CACNA1I: variants seen among roughly 807,000 people sequenced by gnomAD.
CACNA1I encodes the protein voltage-dependent T-type calcium channel subunit alpha-1I.
In CACNA1I, 74 loss-of-function variants were observed where a neutral mutation model predicts 201.6. The observed-to-expected ratio is 0.37, with a 90% CI of 0.30 to 0.45. CACNA1I has a LOEUF of 0.45. Ranked by LOEUF, CACNA1I falls within the 20% of genes least tolerant of loss-of-function variation. The pLI is 1.00. For synonymous variants in CACNA1I, 1,431 were observed against 1,345.2 expected, an observed-to-expected ratio of 1.06 and a Z score of -1.40; for missense variants, 2,346 against 3,138.1, an observed-to-expected ratio of 0.75 and a Z score of 6.03.
At chr22:39,663,008 G>T in intron 18 of CACNA1I, 132 bp downstream of exon 18, 1 of 648,434 alleles carries the variant, frequency 1.5e-6, no homozygotes. Flanking sequence ...CCAGAGGTGG[G>T]GGTCTCCAGG....
At chr22:39,612,947 A>G (rs1461351743) in intron 3 of CACNA1I, among the ~76,000 whole-genome samples, 2 of 152,212 alleles carry the variant, frequency 1.3e-5, no homozygotes, top group Non-Finnish European at 2.9e-5. Context: ...AGCCTGAGTC[A>G]TCACAGAGCT....
chr22:39,600,701 C>T (rs767684249), intron 3 of CACNA1I, 48 bp downstream of exon 3: 3 of 1,529,702 alleles, frequency 2.0e-6, no homozygotes, highest in Non-Finnish European at 2.6e-6. Context: ...GCACACCAGG[C>T]ATAATTGAGA....
At chr22:39,627,396 C>T (rs1442368192) in intron 4 of CACNA1I, among the ~76,000 whole-genome samples, 4 of 152,204 alleles carry the variant, frequency 2.6e-5, no homozygotes, top group Non-Finnish European at 4.4e-5. Flanking sequence ...TCTGCAGGAT[C>T]CTGTGCAGAC....
intron 3 of CACNA1I, among the ~76,000 whole-genome samples, chr22:39,614,195 G>A (rs1411307500): frequency 1.3e-5 from 2 of 152,142 alleles, no homozygotes; most frequent in Non-Finnish European, 2.9e-5. Flanking sequence ...AGTGGGTGCT[G>A]TAATCCAGCT....
At chr22:39,590,263 G>C (rs1299680010) in intron 1 of CACNA1I, among the ~76,000 whole-genome samples, 3 of 152,228 alleles carry the variant, frequency 2.0e-5, no homozygotes, top group African/African-American at 7.2e-5. Context: ...GTGTGGTGTG[G>C]TTATGATCTG....
At chr22:39,661,937 C>G in intron 16 of CACNA1I, 28 bp from the exon 17 acceptor site, 1 of 1,430,186 alleles carries the variant, frequency 7.0e-7, no homozygotes, top group Non-Finnish European at 9.3e-7. Flanking sequence ...GCCTGTGGGG[C>G]GCTGACCCGA....
At chr22:39,651,764 GAA>G (rs1934655574) in intron 10 of CACNA1I, among the ~76,000 whole-genome samples, 1 of 152,236 alleles carries the variant, frequency 6.6e-6, no homozygotes, top group African/African-American at 2.4e-5. Context: ...AGCCAGTGAT[GAA>G]AGAGTTGGGA....
At chr22:39,578,299 G>C (rs541020697) in intron 1 of CACNA1I, among the ~76,000 whole-genome samples, 1 of 152,216 alleles carries the variant, frequency 6.6e-6, no homozygotes. Context: ...AGGGCCTCAG[G>C]CCTCTGGATA....
chr22:39,617,534 C>T (rs994879377), intron 3 of CACNA1I, among the ~76,000 whole-genome samples: 1 of 152,134 alleles, frequency 6.6e-6, no homozygotes, highest in African/African-American at 2.4e-5. Flanking sequence ...CGATGGGACT[C>T]GGCAGTCCTG....
chr22:39,659,334 C>T lies in CACNA1I; in HGVS notation c.2331-99C>T, dbSNP rs780469321. ...ATGGGACCAACGCTGCCCCGCCTCCCCCTGCCCTGCATTTTACTGAGTTGA... is the reference window on the plus strand; with the variant it reads ...ATGGGACCAACGCTGCCCCGCCTCCTCCTGCCCTGCATTTTACTGAGTTGA... On this transcript the variant is annotated intron_variant, in intron 12 of 36. Coordinates refer to ENST00000402142, the MANE Select transcript of CACNA1I (RefSeq NM_021096.4). The surrounding 1 kb of genome is among the most constrained non-coding windows in gnomAD (Gnocchi z 4.3). The T allele has an allele frequency of 7.1e-6, 7 of 981,932 alleles. No individual in the cohort carries two copies. The highest frequency in any genetic ancestry group is 2.6e-5 in the East Asian group (1 of 38,190). The allele number at this position is 981,932 out of a possible 1,614,324, so 60.8% of individuals were successfully genotyped here. A position where few individuals can be genotyped will look rare whatever the true frequency, so the allele number is the denominator to read the frequency against.
intron 3 of CACNA1I, among the ~76,000 whole-genome samples, chr22:39,611,469 G>C (rs1244975495): frequency 6.6e-6 from 1 of 152,118 alleles, no homozygotes; most frequent in East Asian, 1.9e-4. Flanking sequence ...GCAGTGAGGT[G>C]AGTCCCCTGA....
chr22:39,582,510 A>AT (rs1377286287), intron 1 of CACNA1I, among the ~76,000 whole-genome samples: 1 of 152,106 alleles, frequency 6.6e-6, no homozygotes, highest in African/African-American at 2.4e-5. Context: ...CTCAGTCTGA[A>AT]AAACCCAGCC....
intron 3 of CACNA1I, among the ~76,000 whole-genome samples, chr22:39,615,813 A>C (rs1419581435): frequency 6.6e-6 from 1 of 151,998 alleles, no homozygotes. Flanking sequence ...TGAAGTGGAG[A>C]AGTGAGAGTT....
chr22:39,664,754 C>T lies in CACNA1I; in HGVS notation c.3682C>T (p.Leu1228=), dbSNP rs764465994. 53 of 1,590,930 alleles carry T rather than the reference C, an allele frequency of 3.3e-5. No individual in the cohort carries two copies. The highest frequency in any genetic ancestry group is 1.9e-4 in the Admixed American group (11 of 59,110). Residue 1228 remains leucine (L), a synonymous_variant, in exon 21 of 37, where the codon CTG becomes TTG. Coordinates refer to ENST00000402142, the MANE Select transcript of CACNA1I (RefSeq NM_021096.4). ...EMTLKVVSLG[L]YFGEQAYLRS... ...CCCGCCCCAGGTAGTCTCGCTGGGCCTGTACTTCGGCGAGCAGGCGTACCT... is the reference window on the plus strand; with the variant it reads ...CCCGCCCCAGGTAGTCTCGCTGGGCTTGTACTTCGGCGAGCAGGCGTACCT...
intron 10 of CACNA1I, among the ~76,000 whole-genome samples, chr22:39,657,727 G>C (rs987175699): frequency 6.6e-6 from 1 of 152,212 alleles, no homozygotes; most frequent in Non-Finnish European, 1.5e-5. Context: ...AACGGTTCCC[G>C]GCACGTGGTA....
intron 34 of CACNA1I, among the ~76,000 whole-genome samples, chr22:39,681,353 G>A (rs548476543): frequency 3.9e-5 from 6 of 152,336 alleles, no homozygotes; most frequent in Admixed American, 1.3e-4. Flanking sequence ...CCTGGCCGGC[G>A]GGGCTGTGAG....
intron 1 of CACNA1I, among the ~76,000 whole-genome samples, chr22:39,574,087 C>T (rs1238671831): frequency 6.6e-6 from 1 of 152,136 alleles, no homozygotes; most frequent in African/African-American, 2.4e-5. Flanking sequence ...GACTCAAAAG[C>T]ACAGCAACTT....
chr22:39,642,756 T>C (rs758764945), intron 6 of CACNA1I, 41 bp from the exon 7 acceptor site: 3 of 1,450,478 alleles, frequency 2.1e-6, no homozygotes, highest in South Asian at 1.2e-5. Flanking sequence ...GGCTTTCTGA[T>C]GGGCCAGTCC....
chr22:39,667,419 C>T (rs136856), intron 23 of CACNA1I, among the ~76,000 whole-genome samples: 92,440 of 152,032 alleles, frequency 0.61, 30,819 homozygotes, highest in East Asian at 0.99. Context: ...GGGGTGAGAC[C>T]ACCTCTGCCC....
Sources: allele counts gnomAD v4.1 joint callset (sites outside exome capture counted in the v4.1 genomes callset), GRCh38; gene constraint gnomAD v4.1.1; non-coding constraint Gnocchi (gnomAD v3.1); transcripts MANE v1.5; gene names NCBI Gene and HGNC (gene_info 2026-07-23, HGNC 2026-07-21).